The following AOPEP variants were observed in gnomAD, a reference collection of about 807,000 sequenced individuals.
AOPEP encodes aminopeptidase O (putative).
AOPEP carries 77 observed loss-of-function variants against 98.1 expected under a neutral mutation model. The ratio of observed to expected loss-of-function variants is 0.78; its 90% CI spans 0.65 to 0.95. The LOEUF is 0.95. AOPEP is among the 40% of genes least tolerant of loss of function. The probability of loss-of-function intolerance (pLI) is 0.00; values close to 1 mark genes in which losing one functional copy is unlikely to be tolerated. For missense variants in AOPEP, 1,024 were observed against 1,024.7 expected (o/e 1.00, Z 0.01); for synonymous variants, 346 against 365.3 (o/e 0.95, Z 0.60).
At chr9:94,923,714 G>A (rs995234339) in intron 5 of AOPEP, among the ~76,000 whole-genome samples, 4 of 152,168 alleles carry the variant, frequency 2.6e-5, no homozygotes, top group African/African-American at 9.7e-5. Context: ...TGTTTTGAGT[G>A]TAAAACTTTG....
intron 14 of AOPEP, among the ~76,000 whole-genome samples, chr9:95,076,252 T>C (rs1312659384): frequency 6.6e-6 from 1 of 152,094 alleles, no homozygotes; most frequent in Non-Finnish European, 1.5e-5. Context: ...TTGGCAGGAG[T>C]GTACATTGCT....
chr9:94,926,857 C>T lies in AOPEP; in HGVS notation c.1555-1568C>T, dbSNP rs113555665. On this transcript the variant is annotated intron_variant, in intron 6 of 16. Coordinates refer to ENST00000375315, the MANE Select transcript of AOPEP (RefSeq NM_001193329.3). ...CAACAAGGTGATGGAGACCACCTTC[C>T]ACTCAGAGAGGCATCCGCAGGGATT... is the stretch of plus-strand genomic sequence containing the variant. Among the ~76,000 whole-genome samples, 1,427 of 152,334 alleles carry T rather than the reference C, an allele frequency of 9.4e-3. 8 individuals carry two copies. Among genetic ancestry groups the T allele is most frequent in the Non-Finnish European group, 0.014 (951 of 68,028 alleles).
intron 11 of AOPEP, among the ~76,000 whole-genome samples, chr9:94,979,628 G>A (rs2060056822): frequency 6.6e-6 from 1 of 152,204 alleles, no homozygotes; most frequent in Admixed American, 6.5e-5. Flanking sequence ...CCACTTTCAA[G>A]TGACCGTGGT....
intron 13 of AOPEP, among the ~76,000 whole-genome samples, chr9:95,039,496 C>T (rs577445788): frequency 1.3e-5 from 2 of 152,234 alleles, no homozygotes; most frequent in African/African-American, 4.8e-5. Flanking sequence ...CACCGGAGCC[C>T]CAAGAGGTCC....
At chr9:94,833,324 G>A (rs557140999) in intron 5 of AOPEP, among the ~76,000 whole-genome samples, 2 of 129,138 alleles carry the variant, frequency 1.5e-5, no homozygotes, top group South Asian at 5.0e-4. Flanking sequence ...GGCAACCTTT[G>A]CCTCCTAGGT....
the AOPEP span, among the ~76,000 whole-genome samples, chr9:95,137,125 A>G: frequency 6.6e-6 from 1 of 152,160 alleles, no homozygotes; most frequent in South Asian, 2.1e-4. Flanking sequence ...CACCGACCCA[A>G]CAACCCCTTC....
At chr9:95,117,910 C>CA in the AOPEP span, among the ~76,000 whole-genome samples, 1 of 152,126 alleles carries the variant, frequency 6.6e-6, no homozygotes. Context: ...TTAGTAGAGA[C>CA]AGAGTTTCTC....
intron 4 of AOPEP, among the ~76,000 whole-genome samples, chr9:94,793,718 A>G (rs1158558343): frequency 6.6e-6 from 1 of 152,136 alleles, no homozygotes; most frequent in African/African-American, 2.4e-5. Context: ...GCGAGTTGAG[A>G]AGAAGAGATG....
intron 1 of AOPEP, among the ~76,000 whole-genome samples, chr9:94,737,638 A>G (rs916838420): frequency 9.2e-5 from 14 of 152,252 alleles, no homozygotes; most frequent in Non-Finnish European, 2.1e-4. Flanking sequence ...GTTTTATTAG[A>G]TCAGGATTAA....
intron 14 of AOPEP, among the ~76,000 whole-genome samples, chr9:95,072,004 C>T (rs550243827): frequency 8.5e-5 from 13 of 152,154 alleles, no homozygotes; most frequent in Non-Finnish European, 1.3e-4. Flanking sequence ...CAAACCCACT[C>T]GGGCCGTTGT....
chr9:94,935,794 C>T (rs1376688095), intron 7 of AOPEP, among the ~76,000 whole-genome samples: 3 of 152,196 alleles, frequency 2.0e-5, no homozygotes, highest in South Asian at 2.1e-4. Flanking sequence ...CTCTAAAGAT[C>T]AAGCGTGAAT....
At chr9:94,908,526 G>C (rs894804195) in intron 5 of AOPEP, among the ~76,000 whole-genome samples, 1 of 152,184 alleles carries the variant, frequency 6.6e-6, no homozygotes, top group Non-Finnish European at 1.5e-5. Context: ...TGTTTGCTGC[G>C]TGCCAGGTAC....
At chr9:94,950,613 C>T (rs964259755) in intron 7 of AOPEP, among the ~76,000 whole-genome samples, 1 of 152,234 alleles carries the variant, frequency 6.6e-6, no homozygotes, top group Non-Finnish European at 1.5e-5. Context: ...GCTCTCAAAG[C>T]TGTCAAACCT....
downstream of AOPEP, among the ~76,000 whole-genome samples, chr9:95,089,256 C>T (rs138297127): frequency 4.9e-3 from 751 of 152,318 alleles, 9 homozygotes; most frequent in Non-Finnish European, 5.5e-3. Flanking sequence ...GACCAGTACT[C>T]TTCCATTTTT....
chr9:94,806,290 TAATA>T (rs1849245769), intron 5 of AOPEP, among the ~76,000 whole-genome samples: 1 of 152,222 alleles, frequency 6.6e-6, no homozygotes, highest in African/African-American at 2.4e-5. Context: ...TCTCAGATTT[TAATA>T]AATTCTCAAT....
intron 5 of AOPEP, among the ~76,000 whole-genome samples, chr9:94,804,452 C>A (rs993544564): frequency 6.6e-6 from 1 of 152,076 alleles, no homozygotes; most frequent in Admixed American, 6.5e-5. Context: ...AGTTAAAAAA[C>A]CATGTGCTGT....
chr9:95,110,928 C>T, the AOPEP span: 1 of 1,328,902 alleles, frequency 7.5e-7, no homozygotes, highest in Non-Finnish European at 9.6e-7. Flanking sequence ...TGACCAACTT[C>T]TTTTTCAGAA....
intron 5 of AOPEP, among the ~76,000 whole-genome samples, chr9:94,880,616 A>G (rs905948552): frequency 9.9e-5 from 15 of 152,148 alleles, no homozygotes; most frequent in African/African-American, 3.4e-4. Flanking sequence ...TTGGCATCCC[A>G]AAGTGTTGGG....
At chr9:94,792,565 T>TAACCA (rs1322338756) in intron 3 of AOPEP, among the ~76,000 whole-genome samples, 200 bp from the exon 4 acceptor site, 35 of 152,248 alleles carry the variant, frequency 2.3e-4, no homozygotes, top group African/African-American at 7.9e-4. Context: ...CAGACCTTCC[T>TAACCA]GGTTGCCTTG....
Sources: gnomAD v4.1 joint callset for allele counts (sites outside exome capture counted in the v4.1 genomes callset) on GRCh38, gnomAD v4.1.1 for gene constraint, MANE v1.5 for transcripts, NCBI Gene and HGNC (gene_info 2026-07-23, HGNC 2026-07-21) for gene names.